ELL: variants seen among roughly 807,000 people sequenced by gnomAD.
ELL encodes the protein RNA polymerase II elongation factor ELL.
In ELL, 18 loss-of-function variants were observed where a neutral mutation model predicts 64.0. The ratio of observed to expected loss-of-function variants is 0.28; its 90% CI spans 0.19 to 0.42. ELL has a LOEUF of 0.42. Among genes scored for constraint, ELL ranks in the 10% least tolerant of loss-of-function variants. ELL has a pLI of 1.00. For synonymous variants in ELL, 399 were observed against 376.2 expected, an observed-to-expected ratio of 1.06 and a Z score of -0.70; for missense variants, 797 against 870.4, an observed-to-expected ratio of 0.92 and a Z score of 1.06.
intron 8 of ELL, among the ~76,000 whole-genome samples, chr19:18,447,519 C>CA (rs1974440326): frequency 6.6e-6 from 1 of 152,254 alleles, no homozygotes; most frequent in Non-Finnish European, 1.5e-5. Flanking sequence ...TTCGCCCCTT[C>CA]AGGGGCCTGC....
intron 1 of ELL, among the ~76,000 whole-genome samples, chr19:18,495,604 C>T (rs984936826): frequency 2.6e-5 from 4 of 152,188 alleles, no homozygotes; most frequent in African/African-American, 7.2e-5. Flanking sequence ...CGAGAGCCTG[C>T]GGAGACAGGG....
chr19:18,452,101 T>A (rs1974552042), intron 6 of ELL, among the ~76,000 whole-genome samples: 1 of 152,110 alleles, frequency 6.6e-6, no homozygotes, highest in Admixed American at 6.6e-5. Context: ...CCAGCTTGAC[T>A]AGGTGATGCA....
At chr19:18,462,303 C>T (rs1353272861) in intron 4 of ELL, among the ~76,000 whole-genome samples, 3 of 118,342 alleles carry the variant, frequency 2.5e-5, no homozygotes, top group Non-Finnish European at 4.9e-5. Flanking sequence ...TGTGTGTGTG[C>T]GTGTATGAAA....
chr19:18,507,164 C>G (rs1393307460), intron 1 of ELL, among the ~76,000 whole-genome samples: 1 of 152,202 alleles, frequency 6.6e-6, no homozygotes, highest in Non-Finnish European at 1.5e-5. Flanking sequence ...CATCCAACTC[C>G]AAAAATAGTG....
In ELL at chr19:18,450,463, G is replaced by A. The variant is rs759104138; in HGVS notation, c.1465+14C>T. On this transcript the variant is annotated intron_variant, in intron 8 of 11. Coordinates refer to ENST00000262809, the MANE Select transcript of ELL (RefSeq NM_006532.4). Reference sequence around the variant, plus strand: ...CTTAGAGCCCCGGCAACGCCCTCCTGCCTGGGCACCTACCTGGGGTGTCTG... The same window carrying A: ...CTTAGAGCCCCGGCAACGCCCTCCTACCTGGGCACCTACCTGGGGTGTCTG... The A allele has an allele frequency of 6.2e-7, 1 of 1,609,942 alleles. No homozygotes were observed. Among genetic ancestry groups the A allele is most frequent in the Admixed American group, 1.7e-5 (1 of 59,946 alleles).
Position 18,449,780 on chromosome 19 carries a change from C to T in ELL, c.1465+697G>A, listed in dbSNP as rs188158034. On this transcript the variant is annotated intron_variant, in intron 8 of 11. Transcript: ENST00000262809. The surrounding 1 kb of genome is among the most constrained non-coding windows in gnomAD (Gnocchi z 4.4). ...ACATGGTGGTGGAACAGCCGCTGCA[C>T]GCTGGCCACTGCTTCTGCTGGTTCC... Among the ~76,000 whole-genome samples the T allele has an allele frequency of 2.0e-5, 3 of 152,368 alleles. No individual in the cohort carries two copies. The highest frequency in any genetic ancestry group is 3.9e-4 in the East Asian group (2 of 5,184).
chr19:18,515,071 A>C (rs955252733), intron 1 of ELL, among the ~76,000 whole-genome samples: 1 of 152,230 alleles, frequency 6.6e-6, no homozygotes, highest in Admixed American at 6.5e-5. Flanking sequence ...TGGGTTTCCG[A>C]GTGAGCGCTG....
chr19:18,460,332 G>A (rs1237845578), intron 5 of ELL, among the ~76,000 whole-genome samples: 2 of 152,208 alleles, frequency 1.3e-5, no homozygotes. Context: ...GCAAGAAGCA[G>A]ACGAGCTGTC....
intron 1 of ELL, among the ~76,000 whole-genome samples, chr19:18,493,708 C>T (rs917000000): frequency 4.6e-5 from 7 of 152,206 alleles, no homozygotes; most frequent in African/African-American, 1.7e-4. Context: ...GCCTCAGGCC[C>T]TGCCCCAGAA....
chr19:18,473,669 G>A (rs985933244), intron 1 of ELL, among the ~76,000 whole-genome samples: 5 of 152,204 alleles, frequency 3.3e-5, no homozygotes, highest in African/African-American at 9.7e-5. Context: ...AAAGAACTGC[G>A]AGCCAGAGGA....
chr19:18,457,370 C>A (rs2144906326), intron 6 of ELL, among the ~76,000 whole-genome samples: 1 of 152,312 alleles, frequency 6.6e-6, no homozygotes, highest in Admixed American at 6.5e-5. Flanking sequence ...TCTGCCAAGA[C>A]TGTGCCCTCC....
chr19:18,451,586 G>T lies in ELL; in HGVS notation c.932C>A (p.Pro311Gln). The T allele has an allele frequency of 6.7e-7, 1 of 1,496,698 alleles. No individual in the cohort carries two copies. The highest frequency in any genetic ancestry group is 8.8e-7 in the Non-Finnish European group (1 of 1,131,048). 92.7% of individuals were successfully genotyped at this position (1,496,698 alleles called of 1,614,324 possible). ...LLGDPAASSP[P>Q]GERGRSASPP... The stretch of plus-strand genomic sequence containing the variant: ...CGAGGCCGAGCGCCCACGCTCGCCT[G>T]GGGGGCTGGAGGCAGCAGGGTCTCC... Residue 311 changes from proline (P) to glutamine (Q), a missense_variant, in exon 7 of 12, where the codon CCA becomes CAA. Physicochemically the swap from Pro to Gln is moderately conservative, Grantham distance 76 (BLOSUM62 -1). Transcript: ENST00000262809.
chr19:18,477,658 T>A (rs968238279), intron 1 of ELL, among the ~76,000 whole-genome samples: 1 of 152,064 alleles, frequency 6.6e-6, no homozygotes, highest in Non-Finnish European at 1.5e-5. Flanking sequence ...CACAATTCCA[T>A]GCCCAGTGAA....
At chr19:18,453,449 C>G (rs1013417038) in intron 6 of ELL, among the ~76,000 whole-genome samples, 4 of 152,216 alleles carry the variant, frequency 2.6e-5, no homozygotes, top group Non-Finnish European at 5.9e-5. Context: ...ACACTGGCTA[C>G]TCTGGGCACA....
chr19:18,472,571 A>AGCT, intron 2 of ELL: 2 of 470,162 alleles, frequency 4.3e-6, no homozygotes, highest in Non-Finnish European at 7.5e-6. Context: ...TCAGAGTGGA[A>AGCT]GCTAGGTGCA....
In ELL at chr19:18,444,868, T is replaced by C. The variant is rs371406769; in HGVS notation, c.1750A>G (p.Thr584Ala). 3 of 1,610,842 alleles carry C rather than the reference T, an allele frequency of 1.9e-6. No homozygotes were observed. In the African/African-American group the frequency reaches 4.0e-5, roughly 22 times the overall value. The change falls in exon 12 of 12, where the codon ACC becomes GCC. Residue 584 changes from threonine (T) to alanine (A), a missense_variant and splice_region_variant. Transcript: ENST00000262809. ...ILQEYRKIKK[T>A]NTNYSQEKHR... ...TTCTCCTGGCTGTAGTTGGTGTTGGTCTGTGGGACAGCACAGTCATGCTCA... is the reference window on the plus strand; with the variant it reads ...TTCTCCTGGCTGTAGTTGGTGTTGGCCTGTGGGACAGCACAGTCATGCTCA...
In ELL at chr19:18,461,669, CGTAGTGCCAGGA is replaced by C; in HGVS notation, c.641_652del (p.Leu214_Leu217del). On this transcript the variant is annotated inframe_deletion, in exon 5 of 12. Coordinates refer to ENST00000262809, the MANE Select transcript of ELL (RefSeq NM_006532.4). Reference sequence around the variant, plus strand: ...CAGCAGCTCAGCCTTGCGGTAGGGCCGTAGTGCCAGGAGGTGCAGCACTCGGTCACGGAAGGG... The same window carrying C: ...CAGCAGCTCAGCCTTGCGGTAGGGCCGGTGCAGCACTCGGTCACGGAAGGG... 1 of 1,613,204 alleles carries C rather than the reference CGTAGTGCCAGGA, an allele frequency of 6.2e-7. No individual in the cohort carries two copies. Among genetic ancestry groups the C allele is most frequent in the Non-Finnish European group, 8.5e-7 (1 of 1,179,970 alleles).
In ELL at chr19:18,444,274, G is replaced by T. The variant is rs1974361801; in HGVS notation, c.*478C>A. ...GCAGCTGCACCTTTCGACGACCTCT[G>T]TAATACTGCAGGCAGGACCCAGGGC... On this transcript the variant is annotated 3_prime_UTR_variant, in exon 12 of 12. Coordinates refer to ENST00000262809, the MANE Select transcript of ELL (RefSeq NM_006532.4). 8.5e-6 allele frequency: 2 copies of T among 235,188 alleles called. No individual in the cohort carries two copies. Among genetic ancestry groups the T allele is most frequent in the Non-Finnish European group, 8.4e-6 (1 of 119,268 alleles). The allele number at this position is 235,188 out of a possible 1,614,324, so 14.6% of individuals were successfully genotyped here.
chr19:18,444,909 G>T, intron 11 of ELL, 41 bp from the exon 12 acceptor site: 1 of 1,577,338 alleles, frequency 6.3e-7, no homozygotes, highest in Non-Finnish European at 8.6e-7. Flanking sequence ...GAGCCGCCCT[G>T]GGTGCTGCTC....
Sources: gnomAD v4.1 joint callset for allele counts (sites outside exome capture counted in the v4.1 genomes callset) on GRCh38, gnomAD v4.1.1 for gene constraint, Gnocchi (gnomAD v3.1) non-coding constraint, MANE v1.5 for transcripts, NCBI Gene and HGNC (gene_info 2026-07-23, HGNC 2026-07-21) for gene names.